EXOC4: variants seen among roughly 807,000 people sequenced by gnomAD.
EXOC4 encodes exocyst complex component 4.
In EXOC4, 71 loss-of-function variants were observed where a neutral mutation model predicts 107.2. The ratio of observed to expected loss-of-function variants is 0.66; its 90% CI spans 0.55 to 0.81. The LOEUF (loss-of-function observed/expected upper bound fraction) is 0.81, where lower values mean the gene tolerates loss of function less well. EXOC4 is among the 30% of genes least tolerant of loss of function. EXOC4 has a pLI of 0.00. For missense variants in EXOC4, 1,108 were observed against 1,189.6 expected (o/e 0.93, Z 1.01); for synonymous variants, 456 against 441.2 (o/e 1.03, Z -0.42).
chr7:133,667,307 A>T (rs1212800500), intron 10 of EXOC4, among the ~76,000 whole-genome samples: 1 of 152,126 alleles, frequency 6.6e-6, no homozygotes, highest in African/African-American at 2.4e-5. Flanking sequence ...GTGAGCAATG[A>T]TGATGACTGA....
the EXOC4 span, among the ~76,000 whole-genome samples, chr7:134,073,229 A>AC: frequency 1.2e-4 from 2 of 17,276 alleles, no homozygotes; most frequent in South Asian, 7.3e-3. Flanking sequence ...AAAAAAAAAA[A>AC]AAACAACAAA....
At chr7:133,547,403 T>C (rs1800502775) in intron 9 of EXOC4, among the ~76,000 whole-genome samples, 1 of 152,160 alleles carries the variant, frequency 6.6e-6, no homozygotes, top group African/African-American at 2.4e-5. Flanking sequence ...CTGATCGGGA[T>C]GGTGGTTGTT....
Position 133,938,014 on chromosome 7 carries a change from G to C in EXOC4, c.2151G>C (p.Leu717=), listed in dbSNP as rs1403950550. 2.5e-6 allele frequency: 4 copies of C among 1,614,128 alleles called. No individual in the cohort carries two copies. The highest frequency in any genetic ancestry group is 3.4e-6 in the Non-Finnish European group (4 of 1,180,022). Residue 717 remains leucine (L), a synonymous_variant, in exon 14 of 18, where the codon CTG becomes CTC. Coordinates refer to ENST00000253861, the MANE Select transcript of EXOC4 (RefSeq NM_021807.4). ...CCTTGGCCAACATGCATGAAAGCCT[G>C]GAATGGTTGGCAAGTCGAACAAAGT... ...LKALANMHES[L]EWLASRTKSA...
At chr7:133,609,583 A>G (rs767970163) in intron 9 of EXOC4, among the ~76,000 whole-genome samples, 2 of 152,242 alleles carry the variant, frequency 1.3e-5, no homozygotes, top group Non-Finnish European at 2.9e-5. Flanking sequence ...ACACATAAGT[A>G]AACATTTATA....
In EXOC4 at chr7:133,317,391, G is replaced by T; in HGVS notation, c.763+1G>T. 6.3e-7 allele frequency: 1 copy of T among 1,579,650 alleles called. No individual in the cohort carries two copies. Among genetic ancestry groups the T allele is most frequent in the Non-Finnish European group, 8.7e-7 (1 of 1,148,786 alleles). On this transcript the variant is annotated splice_donor_variant, in intron 5 of 17. Transcript: ENST00000253861. LOFTEE classifies it high-confidence loss of function. ...TATTCTACTGCTGGAAGCTCAAGTG[G>T]TAAGTATTTAATTCTTCAGCCACTA...
At chr7:133,571,935 C>G (rs1388844884) in intron 9 of EXOC4, among the ~76,000 whole-genome samples, 1 of 152,158 alleles carries the variant, frequency 6.6e-6, no homozygotes, top group African/African-American at 2.4e-5. Context: ...CCGAAAGGCA[C>G]TAGGTCTTAA....
At chr7:133,548,567 A>C (rs1800527282) in intron 9 of EXOC4, among the ~76,000 whole-genome samples, 1 of 152,214 alleles carries the variant, frequency 6.6e-6, no homozygotes, top group Non-Finnish European at 1.5e-5. Flanking sequence ...AGATCTTCTG[A>C]ATAACTTGCT....
intron 11 of EXOC4, among the ~76,000 whole-genome samples, chr7:133,847,565 A>G (rs574488800): frequency 6.2e-4 from 58 of 94,076 alleles, no homozygotes; most frequent in Non-Finnish European, 1.6e-4. Context: ...TTGTATTTTT[A>G]GTAAAGATGG....
chr7:133,304,851 A>G (rs1340164131), intron 3 of EXOC4, among the ~76,000 whole-genome samples: 2 of 152,238 alleles, frequency 1.3e-5, no homozygotes, highest in African/African-American at 4.8e-5. Flanking sequence ...TATTTAGTAT[A>G]ACCAAAGCAG....
At chr7:133,254,570 A>G (rs892135928) in intron 1 of EXOC4, among the ~76,000 whole-genome samples, 1 of 152,224 alleles carries the variant, frequency 6.6e-6, no homozygotes, top group Non-Finnish European at 1.5e-5. Context: ...TATTTAAACA[A>G]TAGGTATTTA....
At chr7:133,701,997 C>CTTTTTTTTTT (rs71162021) in intron 10 of EXOC4, among the ~76,000 whole-genome samples, 7 of 66,596 alleles carry the variant, frequency 1.1e-4, no homozygotes, top group Admixed American at 1.9e-4. Flanking sequence ...TTCTTTCTTT[C>CTTTTTTTTTT]TTTTTTTTTT....
chr7:133,739,470 C>T (rs1795517869), intron 10 of EXOC4, among the ~76,000 whole-genome samples: 1 of 152,154 alleles, frequency 6.6e-6, no homozygotes, highest in Non-Finnish European at 1.5e-5. Context: ...TCAGTTCTCC[C>T]TGTCTCCAGT....
chr7:133,594,731 A>T (rs1423438133), intron 9 of EXOC4, among the ~76,000 whole-genome samples: 1 of 151,928 alleles, frequency 6.6e-6, no homozygotes, highest in Non-Finnish European at 1.5e-5. Context: ...TGACCTCGTG[A>T]TCCACCTGCC....
At chr7:133,671,384 C>T (rs1264693820) in intron 10 of EXOC4, among the ~76,000 whole-genome samples, 3 of 151,770 alleles carry the variant, frequency 2.0e-5, no homozygotes, top group Admixed American at 6.6e-5. Context: ...GCCAACATGG[C>T]GAAACCCCAT....
At chr7:133,341,314 T>C (rs536023766) in intron 5 of EXOC4, among the ~76,000 whole-genome samples, 9 of 152,212 alleles carry the variant, frequency 5.9e-5, no homozygotes, top group Non-Finnish European at 1.0e-4. Flanking sequence ...GAGCAGGTTA[T>C]TTAATTTCCA....
chr7:133,566,784 A>C (rs1213781129), intron 9 of EXOC4, among the ~76,000 whole-genome samples: 1 of 152,204 alleles, frequency 6.6e-6, no homozygotes, highest in Non-Finnish European at 1.5e-5. Context: ...AAAAGTGACT[A>C]CCACTGGTAA....
intron 11 of EXOC4, among the ~76,000 whole-genome samples, chr7:133,824,221 G>T (rs1271560225): frequency 6.6e-6 from 1 of 151,458 alleles, no homozygotes; most frequent in African/African-American, 2.4e-5. Context: ...TTCCTACCCC[G>T]GGTCACCTGT....
intron 7 of EXOC4, among the ~76,000 whole-genome samples, chr7:133,422,339 C>A (rs1219586591): frequency 1.3e-5 from 2 of 152,160 alleles, no homozygotes; most frequent in Non-Finnish European, 2.9e-5. Context: ...TCCTTTAGCT[C>A]TGGGTGATTT....
At chr7:133,966,553 C>T (rs139379717) in intron 14 of EXOC4, among the ~76,000 whole-genome samples, 254 of 152,220 alleles carry the variant, frequency 1.7e-3, no homozygotes, top group South Asian at 4.4e-3. Flanking sequence ...TGAATTTTAT[C>T]GAAGGCTTTC....
Sources: allele counts gnomAD v4.1 joint callset (sites outside exome capture counted in the v4.1 genomes callset), GRCh38; gene constraint gnomAD v4.1.1; transcripts MANE v1.5; gene names NCBI Gene and HGNC (gene_info 2026-07-23, HGNC 2026-07-21).